BET1: variants seen among roughly 807,000 people sequenced by gnomAD.
BET1 encodes the protein Bet1 golgi vesicular membrane trafficking protein, also known as BET1 homolog.
A neutral mutation model predicts 13.9 loss-of-function variants in BET1; 9 were observed. That is an observed-to-expected ratio of 0.65 (90% CI 0.39 to 1.13). The LOEUF is 1.13. Ranked by LOEUF, BET1 falls within the 50% of genes most tolerant of loss-of-function variation. BET1 has a pLI of 0.01. For missense variants in BET1, 127 were observed against 133.6 expected (o/e 0.95, Z 0.24); for synonymous variants, 39 against 47.3 (o/e 0.82, Z 0.72).
intron 1 of BET1, among the ~76,000 whole-genome samples, chr7:94,002,647 A>G (rs1179200450): frequency 6.6e-6 from 1 of 152,128 alleles, no homozygotes; most frequent in Non-Finnish European, 1.5e-5. Context: ...GCAATTTAAC[A>G]TGGCACACTG....
At chr7:93,988,128 T>A (rs557118176) in intron 4 of BET1, among the ~76,000 whole-genome samples, 21 of 152,214 alleles carry the variant, frequency 1.4e-4, no homozygotes, top group Non-Finnish European at 2.9e-4. Flanking sequence ...GCAGAAAAGA[T>A]GAAAACCAAA....
chr7:93,976,212 A>C (rs1795333602), intron 4 of BET1: 1 of 776,578 alleles, frequency 1.3e-6, no homozygotes, highest in African/African-American at 1.8e-5. Context: ...AAAACTGAGC[A>C]GGTATTCAGA....
chr7:93,964,707 T>C (rs1026752831), exon 7 of BET1: 9 of 152,032 alleles, frequency 5.9e-5, no homozygotes, highest in Non-Finnish European at 4.4e-5. Context: ...CCAAGAAACA[T>C]ATTTAAAAAA....
chr7:93,992,121 A>T, downstream of BET1: 1 of 985,368 alleles, frequency 1.0e-6, no homozygotes, highest in Non-Finnish European at 1.2e-6. Context: ...GCCTGCCAGG[A>T]ATCTCAGCAG....
chr7:93,990,728 T>C (rs1795616940), downstream of BET1, among the ~76,000 whole-genome samples: 1 of 152,186 alleles, frequency 6.6e-6, no homozygotes, highest in African/African-American at 2.4e-5. Flanking sequence ...AGAATACTTA[T>C]ATTTATAATG....
At chr7:93,989,843 A>G (rs1584138693), downstream of BET1, among the ~76,000 whole-genome samples, 1 of 152,214 alleles carries the variant, frequency 6.6e-6, no homozygotes, top group African/African-American at 2.4e-5. Flanking sequence ...TTAAATTTAA[A>G]TTATTTAGCC....
At chr7:93,966,144 CTGA>C (rs959530492) in intron 6 of BET1, among the ~76,000 whole-genome samples, 63 of 152,034 alleles carry the variant, frequency 4.1e-4, no homozygotes, top group African/African-American at 1.5e-3. Flanking sequence ...TGATATGATT[CTGA>C]TATTTACAAA....
intron 6 of BET1, among the ~76,000 whole-genome samples, chr7:93,972,101 T>G (rs1026840960): frequency 4.0e-5 from 6 of 151,840 alleles, no homozygotes; most frequent in African/African-American, 1.4e-4. Context: ...TTGGCCAGAA[T>G]TTTGCTATAG....
chr7:93,998,963 T>C (rs1346529543), intron 2 of BET1, among the ~76,000 whole-genome samples: 16 of 152,150 alleles, frequency 1.1e-4, no homozygotes, highest in Admixed American at 8.5e-4. Context: ...TTTTCTTAAG[T>C]ATTAAAAAAA....
At chr7:93,983,049 CA>C (rs1351272346) in intron 4 of BET1, among the ~76,000 whole-genome samples, 2 of 152,030 alleles carry the variant, frequency 1.3e-5, no homozygotes, top group African/African-American at 2.4e-5. Flanking sequence ...ATCCTGATGC[CA>C]AAAAATCAGT....
chr7:94,004,070 A>G (rs904298030), intron 1 of BET1, 128 bp downstream of exon 1: 1 of 1,369,018 alleles, frequency 7.3e-7, no homozygotes, highest in Non-Finnish European at 1.0e-6. Flanking sequence ...ATGGACCCCA[A>G]AGATCCCCTC....
At chr7:93,990,031 G>A (rs1394266538), downstream of BET1, among the ~76,000 whole-genome samples, 2 of 151,976 alleles carry the variant, frequency 1.3e-5, no homozygotes, top group African/African-American at 4.8e-5. Flanking sequence ...CCTTGAAATT[G>A]TCTTGTGTGT....
At chr7:93,964,073 A>G (rs939936194) in exon 7 of BET1, 5 of 151,998 alleles carry the variant, frequency 3.3e-5, no homozygotes, top group African/African-American at 1.2e-4. Context: ...CTCAAAAAAT[A>G]AGTAAATAAA....
chr7:93,985,746 A>C (rs1795517515), intron 4 of BET1, among the ~76,000 whole-genome samples: 1 of 152,162 alleles, frequency 6.6e-6, no homozygotes, highest in Admixed American at 6.6e-5. Context: ...GCTCTTGTGA[A>C]TGGTAGGTTG....
chr7:93,990,975 A>T (rs1795622201), downstream of BET1, among the ~76,000 whole-genome samples: 1 of 152,146 alleles, frequency 6.6e-6, no homozygotes, highest in Non-Finnish European at 1.5e-5. Flanking sequence ...AGGCTTGTGA[A>T]AAATTCTTCT....
At chr7:93,995,639 C>T (rs189821855) in intron 3 of BET1, among the ~76,000 whole-genome samples, 74 of 152,244 alleles carry the variant, frequency 4.9e-4, no homozygotes, top group African/African-American at 1.3e-3. Flanking sequence ...CTTATTATAG[C>T]GCACAAGCTT....
exon 5 of BET1, chr7:93,975,906 C>A (rs1464562638): frequency 8.9e-7 from 1 of 1,128,566 alleles, no homozygotes; most frequent in African/African-American, 1.6e-5. Flanking sequence ...AAACTTACTT[C>A]TTTCTTGGAA....
chr7:94,002,154 G>T (rs1052932592), intron 1 of BET1, among the ~76,000 whole-genome samples: 45 of 152,262 alleles, frequency 3.0e-4, no homozygotes, highest in African/African-American at 1.1e-3. Context: ...AGTGAGTACT[G>T]AAGATCATCC....
At chr7:93,996,343 C>T in intron 2 of BET1, 22 bp from the exon 3 acceptor site, 1 of 1,474,890 alleles carries the variant, frequency 6.8e-7, no homozygotes, top group East Asian at 2.4e-5. Context: ...AAGGTATACA[C>T]AGGATTACTC....
Sources: allele counts gnomAD v4.1 joint callset (sites outside exome capture counted in the v4.1 genomes callset), GRCh38; gene constraint gnomAD v4.1.1; transcripts MANE v1.5; gene names NCBI Gene and HGNC (gene_info 2026-07-23, HGNC 2026-07-21).